Variants in ASB3 observed in about 807,000 individuals in gnomAD.
The protein encoded by ASB3 is ankyrin repeat and SOCS box protein 3.
In ASB3, 41 loss-of-function variants were observed where a neutral mutation model predicts 54.5. That is an observed-to-expected ratio of 0.75 (90% confidence interval 0.59 to 0.98). The LOEUF is 0.98. Ranked by LOEUF, ASB3 falls within the 50% of genes least tolerant of loss-of-function variation. The pLI is 0.00. For synonymous variants in ASB3, 266 were observed against 221.2 expected (o/e 1.20, Z -1.80); for missense variants, 733 against 620.0 (o/e 1.18, Z -1.94).
At chr2:53,744,129 C>G (rs186428955) in intron 3 of ASB3, among the ~76,000 whole-genome samples, 108 of 151,052 alleles carry the variant, frequency 7.1e-4, no homozygotes, top group African/African-American at 2.5e-3. Context: ...GTAATCCCAG[C>G]ACTTTGGGAA....
intron 5 of ASB3, among the ~76,000 whole-genome samples, chr2:53,724,557 C>G (rs534639397): frequency 6.6e-6 from 1 of 151,866 alleles, no homozygotes; most frequent in East Asian, 1.9e-4. Context: ...AGAGATAGTG[C>G]CACTGTACGC....
chr2:53,742,683 T>A, intron 3 of ASB3, among the ~76,000 whole-genome samples: 1 of 148,796 alleles, frequency 6.7e-6, no homozygotes, highest in Non-Finnish European at 1.5e-5. Context: ...CAATTGAAAT[T>A]GAAAGAAACA....
At chr2:53,778,908 T>C (rs1050574542) in intron 1 of ASB3, among the ~76,000 whole-genome samples, 1 of 152,216 alleles carries the variant, frequency 6.6e-6, no homozygotes, top group African/African-American at 2.4e-5. Flanking sequence ...TACCCAGAAG[T>C]TGGATTGCTG....
At chr2:53,754,568 G>A (rs1672709306) in intron 2 of ASB3, among the ~76,000 whole-genome samples, 1 of 152,156 alleles carries the variant, frequency 6.6e-6, no homozygotes, top group Non-Finnish European at 1.5e-5. Flanking sequence ...ACTGGACCAG[G>A]AAGATAACAT....
At chr2:53,671,783 A>G (rs998596685) in intron 9 of ASB3, among the ~76,000 whole-genome samples, 18 of 131,466 alleles carry the variant, frequency 1.4e-4, no homozygotes, top group African/African-American at 5.0e-4. Flanking sequence ...AAAGAATCAT[A>G]TGATAGCAGT....
chr2:53,716,235 T>A (rs1243642504), intron 6 of ASB3, among the ~76,000 whole-genome samples: 2 of 152,120 alleles, frequency 1.3e-5, no homozygotes, highest in Non-Finnish European at 2.9e-5. Flanking sequence ...CTCATCAGAT[T>A]GATGCTTAAA....
At chr2:53,767,830 CG>C in intron 1 of ASB3, 1 of 1,552,814 alleles carries the variant, frequency 6.4e-7, no homozygotes, top group Non-Finnish European at 8.7e-7. Flanking sequence ...CTTCAGTCCC[CG>C]GCGGCGCGGC....
At chr2:53,734,767 T>C (rs1671519785) in intron 3 of ASB3, among the ~76,000 whole-genome samples, 1 of 152,208 alleles carries the variant, frequency 6.6e-6, no homozygotes, top group Non-Finnish European at 1.5e-5. Context: ...TTTTTCTCCA[T>C]GTCAACAGCA....
At chr2:53,722,878 T>C (rs766463947) in intron 5 of ASB3, among the ~76,000 whole-genome samples, 1 of 152,076 alleles carries the variant, frequency 6.6e-6, no homozygotes, top group African/African-American at 2.4e-5. Context: ...GGCATCCAAA[T>C]AGGAAAAGAA....
At chr2:53,750,708 G>A in intron 3 of ASB3, 75 bp downstream of exon 3, 3 of 1,389,406 alleles carry the variant, frequency 2.2e-6, no homozygotes, top group East Asian at 2.6e-5. Flanking sequence ...ACAGCTGAAG[G>A]AAAAATTAAG....
rs1234362955 is a variant in ASB3 at position 53,716,581 on chromosome 2, T to A, written c.767A>T (p.Gln256Leu). 1 of 1,612,678 alleles carries A rather than the reference T, an allele frequency of 6.2e-7. No homozygotes were observed. The highest frequency in any genetic ancestry group is 8.5e-7 in the Non-Finnish European group (1 of 1,179,404). The change falls in exon 6 of 10, where the codon CAA becomes CTA. Residue 256 changes from glutamine (Q) to leucine (L), a missense_variant. Gln to Leu is a moderately radical substitution (Grantham distance 113). Coordinates refer to ENST00000263634, the MANE Select transcript of ASB3 (RefSeq NM_016115.5). ...SWQLPIHAAA[Q>L]MGHTKILDLL... ...TAACACTTACTTTGTATGGCCCATT[T>A]GTGCAGCTGCATGAATAGGTAACTG...
intron 9 of ASB3, among the ~76,000 whole-genome samples, chr2:53,693,149 C>T (rs1383011157): frequency 1.3e-5 from 2 of 152,120 alleles, no homozygotes; most frequent in Non-Finnish European, 2.9e-5. Context: ...ATTTTCCTAA[C>T]TTAAGACATA....
chr2:53,690,525 G>GT (rs1200017284), intron 9 of ASB3, among the ~76,000 whole-genome samples: 1 of 152,078 alleles, frequency 6.6e-6, no homozygotes, highest in East Asian at 1.9e-4. Context: ...CTAGGAAGCT[G>GT]TAACAGCATC....
In ASB3 at chr2:53,716,724, T is replaced by C. The variant is rs1670413889; in HGVS notation, c.624A>G (p.Gln208=). The C allele has an allele frequency of 6.2e-7, 1 of 1,612,790 alleles. No individual in the cohort carries two copies. The highest frequency in any genetic ancestry group is 1.1e-5 in the South Asian group (1 of 90,964). ...ACAAGGGTGTAGCTTTGTCCAAGGCTTGACAATTGACATTTGCACCTAAGG... is the reference window on the plus strand; with the variant it reads ...ACAAGGGTGTAGCTTTGTCCAAGGCCTGACAATTGACATTTGCACCTAAGG... ...LISSGANVNC[Q]ALDKATPLFI... The change falls in exon 6 of 10, where the codon CAA becomes CAG. Residue 208 remains glutamine (Q), a synonymous_variant. Coordinates refer to ENST00000263634, the MANE Select transcript of ASB3 (RefSeq NM_016115.5).
chr2:53,772,409 C>T (rs1338144367), intron 1 of ASB3, among the ~76,000 whole-genome samples: 1 of 152,098 alleles, frequency 6.6e-6, no homozygotes, highest in African/African-American at 2.4e-5. Context: ...CTCCCGACCT[C>T]GTGATCCGCC....
At chr2:53,721,848 T>C (rs1353758853) in intron 5 of ASB3, among the ~76,000 whole-genome samples, 1 of 149,312 alleles carries the variant, frequency 6.7e-6, no homozygotes, top group African/African-American at 2.5e-5. Flanking sequence ...AAAATCAGAG[T>C]GGAACTGAAT....
chr2:53,719,864 C>G (rs568380255), intron 5 of ASB3, among the ~76,000 whole-genome samples: 1 of 152,104 alleles, frequency 6.6e-6, no homozygotes, highest in South Asian at 2.1e-4. Flanking sequence ...GAGTTCAAGA[C>G]CAGCCAGGGC....
intron 9 of ASB3, among the ~76,000 whole-genome samples, chr2:53,676,990 A>C (rs1454237816): frequency 6.6e-6 from 1 of 152,032 alleles, no homozygotes; most frequent in East Asian, 1.9e-4. Context: ...GCTGGTCTCA[A>C]ACTCCTGACC....
At chr2:53,721,032 T>C (rs530635431) in intron 5 of ASB3, among the ~76,000 whole-genome samples, 1 of 151,476 alleles carries the variant, frequency 6.6e-6, no homozygotes, top group South Asian at 2.1e-4. Context: ...GGCAGGAGAA[T>C]TGCTTGAACC....
Sources: allele counts gnomAD v4.1 joint callset (sites outside exome capture counted in the v4.1 genomes callset), GRCh38; gene constraint gnomAD v4.1.1; transcripts MANE v1.5; gene names NCBI Gene and HGNC (gene_info 2026-07-23, HGNC 2026-07-21).